The following CTIF variants were observed in gnomAD, a reference collection of about 807,000 sequenced individuals.
CTIF encodes CBP80/20-dependent translation initiation factor.
In CTIF, 21 loss-of-function variants were observed where a neutral mutation model predicts 66.0. The ratio of observed to expected loss-of-function variants is 0.32; its 90% CI spans 0.23 to 0.46. The LOEUF is 0.46. Ranked by LOEUF, CTIF falls within the 20% of genes least tolerant of loss-of-function variation. CTIF has a pLI of 1.00. For missense variants in CTIF, 739 were observed against 812.7 expected (o/e 0.91, Z 1.10); for synonymous variants, 345 against 326.4 (o/e 1.06, Z -0.62).
At chr18:48,834,601 A>T (rs1057151673) in intron 10 of CTIF, 1 of 152,572 alleles carries the variant, frequency 6.6e-6, no homozygotes, top group Non-Finnish European at 1.5e-5. Context: ...TGATGCCGTC[A>T]TTAGGGGGAT....
At position 48,807,133 on chromosome 18, in the gene CTIF, CAT is replaced by C. The variant is rs371398901; in HGVS notation, c.1372-10087_1372-10086del. Among the ~76,000 whole-genome samples, 1,300 of 152,288 alleles carry C rather than the reference CAT, an allele frequency of 8.5e-3. 21 individuals are homozygous for C. Among genetic ancestry groups the C allele is most frequent in the African/African-American group, 0.03 (1,254 of 41,548 alleles). ...CAGAGGAAAAGCTGGCAACCTATAA[CAT>C]GTGTCAAGAGGAGACACACAGGCTG... On this transcript the variant is annotated intron_variant, in intron 9 of 11. Transcript: ENST00000256413.
Position 48,860,044 on chromosome 18 carries a change from C to CG in CTIF, c.*486dup. The CG allele has an allele frequency of 2.3e-6, 1 of 429,764 alleles. No homozygotes were observed. Among genetic ancestry groups the CG allele is most frequent in the Admixed American group, 2.4e-5 (1 of 41,330 alleles). 26.6% of individuals were successfully genotyped at this position (429,764 alleles called of 1,614,324 possible). A position where few individuals can be genotyped will look rare whatever the true frequency, so the allele number is the denominator to read the frequency against. ...GCCGCAGTCGCCAACTGGCAGCAGG[C>CG]GACGTGTAGCAGATGTCCGGGAGGA... On this transcript the variant is annotated 3_prime_UTR_variant, in exon 12 of 12. Transcript: ENST00000256413.
chr18:48,549,383 T>C (rs979722385), intron 1 of CTIF, among the ~76,000 whole-genome samples: 6 of 152,132 alleles, frequency 3.9e-5, no homozygotes, highest in African/African-American at 9.7e-5. Flanking sequence ...TGGGATGTTA[T>C]TGGCTACAGG....
chr18:48,585,603 C>T (rs773042172), intron 1 of CTIF, among the ~76,000 whole-genome samples: 4 of 152,156 alleles, frequency 2.6e-5, no homozygotes, highest in African/African-American at 4.8e-5. Flanking sequence ...TGGCAGGTGG[C>T]GCATCCTCCA....
chr18:48,830,704 G>C (rs12971010), intron 10 of CTIF, among the ~76,000 whole-genome samples: 7,706 of 151,634 alleles, frequency 0.051, 219 homozygotes, highest in Middle Eastern at 0.11. Flanking sequence ...TGCCTGTCCA[G>C]GGCTCTGCTC....
At chr18:48,822,142 A>C (rs1411019253) in intron 10 of CTIF, among the ~76,000 whole-genome samples, 2 of 152,214 alleles carry the variant, frequency 1.3e-5, no homozygotes, top group South Asian at 4.1e-4. Flanking sequence ...GTTGTTGTAT[A>C]TTGCAGTTTC....
At chr18:48,730,657 CTG>C in intron 7 of CTIF, among the ~76,000 whole-genome samples, 1 of 143,592 alleles carries the variant, frequency 7.0e-6, no homozygotes. Context: ...TGAGGGGCTT[CTG>C]CGGTGTGAGG....
intron 7 of CTIF, among the ~76,000 whole-genome samples, chr18:48,731,409 G>T (rs778053159): frequency 6.6e-6 from 1 of 152,176 alleles, no homozygotes; most frequent in South Asian, 2.1e-4. Context: ...GAATGGAGAG[G>T]TCCCCATTTC....
chr18:48,630,244 A>ACC (rs1348747039), intron 2 of CTIF, among the ~76,000 whole-genome samples: 1 of 136,552 alleles, frequency 7.3e-6, no homozygotes, highest in Admixed American at 7.6e-5. Flanking sequence ...GCTTTTTACC[A>ACC]CCCACGGTTT....
chr18:48,734,299 C>T (rs113798954), intron 7 of CTIF, among the ~76,000 whole-genome samples: 7,101 of 152,318 alleles, frequency 0.047, 543 homozygotes, highest in African/African-American at 0.16. Flanking sequence ...GGCTCAGTGG[C>T]TCACGCCTGT....
intron 7 of CTIF, among the ~76,000 whole-genome samples, chr18:48,743,476 T>C (rs531938755): frequency 6.6e-6 from 1 of 152,380 alleles, no homozygotes; most frequent in South Asian, 2.1e-4. Flanking sequence ...TTTTATGCCT[T>C]ATATAGTCAA....
chr18:48,712,050 G>A lies in CTIF; in HGVS notation c.584+355G>A, dbSNP rs2092230435. The stretch of plus-strand genomic sequence containing the variant: ...TAGTGGTCCTCAGAAAATAGGACTG[G>A]CTGGCTGTGTGTTTTGAGACATGGC... On this transcript the variant is annotated intron_variant, in intron 7 of 11. Coordinates refer to ENST00000256413, the MANE Select transcript of CTIF (RefSeq NM_014772.3). 2.6e-5 allele frequency among the ~76,000 whole-genome samples: 4 copies of A among 152,286 alleles called. No individual in the cohort carries two copies. The South Asian group carries it at 6.2e-4, about 24-fold the overall frequency.
At chr18:48,561,107 C>T (rs1431817789) in intron 1 of CTIF, among the ~76,000 whole-genome samples, 2 of 151,950 alleles carry the variant, frequency 1.3e-5, no homozygotes, top group Admixed American at 6.6e-5. Context: ...GGTGTGGTAG[C>T]ACATGCTAGT....
At chr18:48,540,756 C>A (rs1305811328) in intron 1 of CTIF, among the ~76,000 whole-genome samples, 1 of 152,168 alleles carries the variant, frequency 6.6e-6, no homozygotes, top group Admixed American at 6.5e-5. Flanking sequence ...CCGCAGACCG[C>A]GGCGTAGTGG....
chr18:48,763,431 A>G (rs1046742995), intron 9 of CTIF, among the ~76,000 whole-genome samples: 2 of 152,236 alleles, frequency 1.3e-5, no homozygotes, highest in East Asian at 1.9e-4. Flanking sequence ...AGGGGGCCCT[A>G]TGGCCCCTGC....
chr18:48,706,241 C>T (rs2145435431), intron 6 of CTIF, among the ~76,000 whole-genome samples: 1 of 152,312 alleles, frequency 6.6e-6, no homozygotes, highest in East Asian at 1.9e-4. Flanking sequence ...AGAATATGTG[C>T]TCTGTAAGAA....
intron 1 of CTIF, among the ~76,000 whole-genome samples, chr18:48,613,165 G>A (rs148122375): frequency 2.5e-4 from 38 of 152,250 alleles, no homozygotes; most frequent in African/African-American, 8.7e-4. Context: ...TAAATTGATA[G>A]CTCCTCATGC....
intron 1 of CTIF, among the ~76,000 whole-genome samples, chr18:48,595,839 A>T (rs984003153): frequency 6.6e-6 from 1 of 152,154 alleles, no homozygotes; most frequent in Non-Finnish European, 1.5e-5. Flanking sequence ...CAACTGCGGG[A>T]AGAGCCACTT....
chr18:48,857,133 G>A (rs116920938), intron 10 of CTIF, among the ~76,000 whole-genome samples: 2,853 of 152,308 alleles, frequency 0.019, 56 homozygotes, highest in Non-Finnish European at 0.025. Context: ...ACTTCCTCCT[G>A]TGGCCAGGGC....
Sources: allele counts gnomAD v4.1 joint callset (sites outside exome capture counted in the v4.1 genomes callset), GRCh38; gene constraint gnomAD v4.1.1; transcripts MANE v1.5; gene names NCBI Gene and HGNC (gene_info 2026-07-23, HGNC 2026-07-21).